Variants in ATRNL1 observed in about 807,000 individuals in gnomAD.
ATRNL1 encodes attractin-like protein 1.
ATRNL1 carries 95 observed loss-of-function variants against 182.7 expected under a neutral mutation model. That is an observed-to-expected ratio of 0.52 (90% CI 0.44 to 0.62). ATRNL1 has a LOEUF of 0.62. Among genes scored for constraint, ATRNL1 ranks in the 20% least tolerant of loss-of-function variants. ATRNL1 has a pLI of 0.00. For missense variants in ATRNL1, 1,471 were observed against 1,679.5 expected, an observed-to-expected ratio of 0.88 and a Z score of 2.17; for synonymous variants, 576 against 568.3, an observed-to-expected ratio of 1.01 and a Z score of -0.19.
intron 19 of ATRNL1, among the ~76,000 whole-genome samples, chr10:115,389,991 T>C (rs1409340676): frequency 6.6e-6 from 1 of 152,176 alleles, no homozygotes; most frequent in African/African-American, 2.4e-5. Flanking sequence ...CATTTGTATG[T>C]CTGCTTTTAA....
chr10:115,286,976 A>G (rs1375673905), intron 15 of ATRNL1, among the ~76,000 whole-genome samples: 1 of 151,958 alleles, frequency 6.6e-6, no homozygotes, highest in African/African-American at 2.4e-5. Context: ...TTGGAATACT[A>G]TGCCATTTTA....
At chr10:115,914,243 C>A (rs1428497265) in intron 28 of ATRNL1, among the ~76,000 whole-genome samples, 1 of 152,182 alleles carries the variant, frequency 6.6e-6, no homozygotes. Context: ...AACCTCTTTT[C>A]TTTGTAATTT....
chr10:115,912,524 A>G (rs544100649), intron 28 of ATRNL1, among the ~76,000 whole-genome samples: 1 of 152,196 alleles, frequency 6.6e-6, no homozygotes, highest in East Asian at 1.9e-4. Context: ...AACTGGAGCT[A>G]TGTATCAAGA....
chr10:115,416,912 C>T (rs1845414585), intron 20 of ATRNL1, among the ~76,000 whole-genome samples: 1 of 152,078 alleles, frequency 6.6e-6, no homozygotes, highest in Admixed American at 6.5e-5. Flanking sequence ...AGAGTGATAC[C>T]AGCAAGATGG....
At chr10:115,474,845 A>G (rs886643676) in intron 24 of ATRNL1, among the ~76,000 whole-genome samples, 5 of 151,448 alleles carry the variant, frequency 3.3e-5, no homozygotes, top group Admixed American at 6.6e-5. Context: ...ATACCCTGCT[A>G]TCAAAGTATG....
At chr10:115,849,973 C>T (rs1951016841) in intron 28 of ATRNL1, among the ~76,000 whole-genome samples, 1 of 152,156 alleles carries the variant, frequency 6.6e-6, no homozygotes, top group Non-Finnish European at 1.5e-5. Flanking sequence ...ATACTTTTTA[C>T]AGAGCCTGAG....
intron 20 of ATRNL1, among the ~76,000 whole-genome samples, chr10:115,412,252 G>A (rs115944635): frequency 2.6e-5 from 4 of 152,048 alleles, no homozygotes; most frequent in Admixed American, 2.0e-4. Context: ...CAAGGCCCTC[G>A]GTCCTATAGT....
chr10:115,830,128 G>A (rs185454049), intron 27 of ATRNL1, among the ~76,000 whole-genome samples: 57 of 152,250 alleles, frequency 3.7e-4, no homozygotes, highest in African/African-American at 1.3e-3. Flanking sequence ...GTGCATTGGC[G>A]GATCTCAATA....
chr10:115,494,817 T>C (rs543719698), intron 24 of ATRNL1, among the ~76,000 whole-genome samples: 1 of 152,180 alleles, frequency 6.6e-6, no homozygotes, highest in Non-Finnish European at 1.5e-5. Flanking sequence ...TCATTGTGTC[T>C]TTGCCAGATT....
chr10:115,164,587 C>T (rs1337116549), intron 6 of ATRNL1, among the ~76,000 whole-genome samples: 1 of 152,070 alleles, frequency 6.6e-6, no homozygotes, highest in Non-Finnish European at 1.5e-5. Context: ...ATGTGTCCAT[C>T]AACTGATAAA....
At chr10:115,868,822 C>CTTTTTTTTTTTTTTATTTTTTTTTTTTTT (rs1951501929) in intron 28 of ATRNL1, among the ~76,000 whole-genome samples, 1 of 58,084 alleles carries the variant, frequency 1.7e-5, no homozygotes, top group Non-Finnish European at 3.2e-5. Flanking sequence ...AGTCTTTATT[C>CTTTTTTTTTTTTTTATTTTTTTTTTTTTT]TTTTTTTTTT....
rs535548391 is a variant in ATRNL1, at chr10:115,363,984, A to G, written c.3175+29565A>G. ...TCCAGCTTTATTCTTTTGGCTTAGG[A>G]TTGACTTGGTGATGCGGGCTCTTTT... is the stretch of plus-strand genomic sequence containing the variant. On this transcript the variant is annotated intron_variant, in intron 19 of 28. Transcript: ENST00000355044. Among the ~76,000 whole-genome samples the G allele has an allele frequency of 1.9e-3, 289 of 152,146 alleles. 1 individual carries two copies. Among genetic ancestry groups the G allele is most frequent in the Non-Finnish European group, 2.4e-3 (162 of 68,012 alleles).
intron 26 of ATRNL1, among the ~76,000 whole-genome samples, chr10:115,669,499 A>C (rs546995693): frequency 6.6e-6 from 1 of 152,126 alleles, no homozygotes; most frequent in Non-Finnish European, 1.5e-5. Context: ...TGCAACTGAC[A>C]TTCTATGTTC....
chr10:115,561,895 G>A (rs1469348223), intron 26 of ATRNL1, among the ~76,000 whole-genome samples: 3 of 152,122 alleles, frequency 2.0e-5, no homozygotes, highest in African/African-American at 4.8e-5. Flanking sequence ...TGGTGAGGCT[G>A]TGGAGAAATT....
rs191580399 is a variant in ATRNL1, at chr10:115,696,644, C to T, written c.3796-30604C>T. On this transcript the variant is annotated intron_variant, in intron 26 of 28. Transcript: ENST00000355044. ...CTCCCACCAACAGTGTGTAAGCATT[C>T]CTTTTTGTCCACAACCTTGCTAGCA... 4.9e-3 allele frequency among the ~76,000 whole-genome samples: 749 copies of T among 152,282 alleles called. 2 individuals are homozygous for T. The highest frequency in any genetic ancestry group is 0.012 in the African/African-American group (509 of 41,554).
At chr10:115,427,623 G>C (rs1159564440) in intron 21 of ATRNL1, among the ~76,000 whole-genome samples, 1 of 152,084 alleles carries the variant, frequency 6.6e-6, no homozygotes, top group Non-Finnish European at 1.5e-5. Flanking sequence ...GTGATGGATT[G>C]AAGTTCTTTT....
intron 8 of ATRNL1, among the ~76,000 whole-genome samples, chr10:115,203,559 A>G (rs1848676499): frequency 6.7e-6 from 1 of 150,324 alleles, no homozygotes; most frequent in South Asian, 2.1e-4. Context: ...TTAAAAGTTT[A>G]AAACTAGATT....
intron 9 of ATRNL1, among the ~76,000 whole-genome samples, chr10:115,226,648 T>C (rs1437061167): frequency 6.6e-6 from 1 of 151,454 alleles, no homozygotes; most frequent in Non-Finnish European, 1.5e-5. Context: ...AGAACAAAGC[T>C]GGAGGTATCA....
At chr10:115,450,238 C>G (rs1554967389) in intron 21 of ATRNL1, among the ~76,000 whole-genome samples, 1 of 152,160 alleles carries the variant, frequency 6.6e-6, no homozygotes, top group African/African-American at 2.4e-5. Context: ...AGGATGCCCT[C>G]TCTCACCAGT....
Sources: allele counts gnomAD v4.1 joint callset (sites outside exome capture counted in the v4.1 genomes callset), GRCh38; gene constraint gnomAD v4.1.1; transcripts MANE v1.5; gene names NCBI Gene and HGNC (gene_info 2026-07-23, HGNC 2026-07-21).